PTPN20: variants seen among roughly 807,000 people sequenced by gnomAD.
PTPN20 encodes tyrosine-protein phosphatase non-receptor type 20.
PTPN20 carries 9 observed loss-of-function variants against 35.0 expected under a neutral mutation model. The ratio of observed to expected loss-of-function variants is 0.26; its 90% CI spans 0.15 to 0.45. The LOEUF (loss-of-function observed/expected upper bound fraction) is 0.45, where lower values mean the gene tolerates loss of function less well. PTPN20 is among the 20% of genes least tolerant of loss of function. PTPN20 has a pLI of 1.00. For missense variants in PTPN20, 111 were observed against 312.5 expected (o/e 0.36, Z 4.86); for synonymous variants, 32 against 100.2 (o/e 0.32, Z 4.06).
intron 2 of PTPN20, among the ~76,000 whole-genome samples, chr10:46,933,629 T>G (rs1314450210): frequency 2.2e-5 from 3 of 137,796 alleles, no homozygotes; most frequent in Non-Finnish European, 4.6e-5. Context: ...AGAGACTTTC[T>G]TGTCCCCAAT....
At chr10:46,963,853 T>TG (rs1416667365) in intron 5 of PTPN20, among the ~76,000 whole-genome samples, 4 of 71,060 alleles carry the variant, frequency 5.6e-5, no homozygotes, top group African/African-American at 1.0e-4. Flanking sequence ...TGGAACACAA[T>TG]GGGAAGATCT....
chr10:46,964,538 A>G (rs1471159825), intron 5 of PTPN20, among the ~76,000 whole-genome samples: 57 of 147,750 alleles, frequency 3.9e-4, no homozygotes, highest in East Asian at 7.8e-4. Context: ...TTCATGTTCA[A>G]TCTGTTTCAG....
chr10:46,953,403 TTG>T (rs2047430229), intron 5 of PTPN20, among the ~76,000 whole-genome samples: 1 of 110,796 alleles, frequency 9.0e-6, no homozygotes, highest in African/African-American at 3.9e-5. Flanking sequence ...TTCTTTTTTT[TTG>T]ACTTACTAAC....
intron 1 of PTPN20, among the ~76,000 whole-genome samples, chr10:46,929,442 T>C (rs1392590405): frequency 6.6e-6 from 1 of 151,610 alleles, no homozygotes; most frequent in Non-Finnish European, 1.5e-5. Flanking sequence ...CTCAATATCT[T>C]TCACAATCTT....
chr10:46,972,339 C>A (rs1323531917), intron 7 of PTPN20, among the ~76,000 whole-genome samples: 2 of 151,980 alleles, frequency 1.3e-5, no homozygotes, highest in African/African-American at 4.8e-5. Context: ...ATGATATTCA[C>A]CATTGTAAAT....
At chr10:46,978,994 C>T (rs1555168909) in intron 7 of PTPN20, among the ~76,000 whole-genome samples, 4 of 151,838 alleles carry the variant, frequency 2.6e-5, no homozygotes, top group African/African-American at 9.7e-5. Context: ...ACCATAGGAA[C>T]AGAGAATCAC....
At chr10:46,936,852 T>TA (rs1158021159) in intron 2 of PTPN20, among the ~76,000 whole-genome samples, 346 of 141,676 alleles carry the variant, frequency 2.4e-3, no homozygotes, top group Non-Finnish European at 3.9e-3. Context: ...CTATTATTGA[T>TA]ACCAATTTTA....
chr10:46,938,244 C>T (rs1475662860), intron 2 of PTPN20, among the ~76,000 whole-genome samples: 4 of 137,562 alleles, frequency 2.9e-5, no homozygotes, highest in African/African-American at 8.5e-5. Context: ...CCACCACACC[C>T]GGCCTTGATT....
At chr10:46,953,960 A>C in intron 5 of PTPN20, among the ~76,000 whole-genome samples, 1 of 129,472 alleles carries the variant, frequency 7.7e-6, no homozygotes, top group Admixed American at 7.5e-5. Flanking sequence ...CCTCTTCAAT[A>C]TTCTGGAAAA....
intron 8 of PTPN20, among the ~76,000 whole-genome samples, chr10:46,985,006 CT>C (rs2056599988): frequency 1.2e-5 from 1 of 82,744 alleles, no homozygotes; most frequent in Admixed American, 1.5e-4. Context: ...AAACACTTGG[CT>C]TTACTTGGGG....
At chr10:47,003,002 G>A (rs1005529814), downstream of PTPN20, among the ~76,000 whole-genome samples, 112 of 151,712 alleles carry the variant, frequency 7.4e-4, no homozygotes, top group Non-Finnish European at 1.4e-3. Flanking sequence ...CTAATTCCTC[G>A]GAAGAATTCG....
intron 5 of PTPN20, chr10:46,947,960 A>ATATC: frequency 2.2e-6 from 1 of 453,642 alleles, no homozygotes; most frequent in Admixed American, 2.4e-5. Context: ...TTTAAGGTAA[A>ATATC]TATCTAGGAG....
At chr10:46,994,188 T>G (rs1298542009) in intron 9 of PTPN20, among the ~76,000 whole-genome samples, 2 of 151,946 alleles carry the variant, frequency 1.3e-5, no homozygotes, top group African/African-American at 4.8e-5. Context: ...TGGAGCTCTT[T>G]TATATGTTAA....
At chr10:46,960,700 G>T (rs2049759706) in intron 5 of PTPN20, among the ~76,000 whole-genome samples, 1 of 152,140 alleles carries the variant, frequency 6.6e-6, no homozygotes, top group Non-Finnish European at 1.5e-5. Context: ...TCTTACTTCT[G>T]TGTGTACTCT....
At chr10:46,940,991 G>A (rs1169173701) in intron 3 of PTPN20, among the ~76,000 whole-genome samples, 1 of 151,676 alleles carries the variant, frequency 6.6e-6, no homozygotes, top group African/African-American at 2.4e-5. Context: ...GTCACATGAA[G>A]TATGAAGCAC....
chr10:46,954,368 CT>C (rs1224305428), intron 5 of PTPN20, among the ~76,000 whole-genome samples: 1 of 149,448 alleles, frequency 6.7e-6, no homozygotes, highest in Non-Finnish European at 1.5e-5. Context: ...TTTATAAACC[CT>C]ATCTCCAAAT....
intron 9 of PTPN20, among the ~76,000 whole-genome samples, chr10:46,988,465 C>A (rs1484934754): frequency 6.7e-6 from 1 of 148,624 alleles, no homozygotes; most frequent in African/African-American, 2.5e-5. Flanking sequence ...TACAGTGATG[C>A]AGAACACCAG....
At chr10:46,953,337 TTC>T (rs1235540127) in intron 5 of PTPN20, among the ~76,000 whole-genome samples, 4 of 55,962 alleles carry the variant, frequency 7.1e-5, no homozygotes, top group Non-Finnish European at 1.4e-4. Context: ...TTCATTTCTT[TTC>T]TTTCTTTCTT....
intron 7 of PTPN20, among the ~76,000 whole-genome samples, chr10:46,977,341 C>T (rs1166819326): frequency 1.3e-5 from 2 of 152,294 alleles, no homozygotes; most frequent in Non-Finnish European, 2.9e-5. Flanking sequence ...TGTATATATA[C>T]AGCCTATTGA....
Sources: gnomAD v4.1 joint callset for allele counts (sites outside exome capture counted in the v4.1 genomes callset) on GRCh38, gnomAD v4.1.1 for gene constraint, MANE v1.5 for transcripts, NCBI Gene and HGNC (gene_info 2026-07-23, HGNC 2026-07-21) for gene names.